Variants in SDK1 observed in about 807,000 individuals in gnomAD.
SDK1 encodes protein sidekick-1.
A neutral mutation model predicts 245.5 loss-of-function variants in SDK1; 157 were observed. The observed-to-expected ratio is 0.64, with a 90% CI of 0.56 to 0.73. SDK1 has a LOEUF of 0.73. SDK1 is among the 30% of genes least tolerant of loss of function. The pLI is 0.00. For missense variants in SDK1, 3,583 were observed against 3,002.3 expected, an observed-to-expected ratio of 1.19 and a Z score of -4.52; for synonymous variants, 1,647 against 1,278.5, an observed-to-expected ratio of 1.29 and a Z score of -6.15.
rs139296990 is a variant in SDK1, at chr7:4,190,855, C to T, written c.5098+12269C>T. ...GGTGCCCCTAGGCAGACACAGCCCC[C>T]GAGGGAGGATGGGCTTGACACCAGC... On this transcript the variant is annotated intron_variant, in intron 35 of 44. Transcript: ENST00000404826. 5.5e-3 allele frequency among the ~76,000 whole-genome samples: 833 copies of T among 152,320 alleles called. 10 individuals carry two copies. The highest frequency in any genetic ancestry group is 0.019 in the African/African-American group (799 of 41,570).
intron 4 of SDK1, among the ~76,000 whole-genome samples, chr7:3,800,671 C>T (rs1187324492): frequency 6.6e-6 from 1 of 152,092 alleles, no homozygotes; most frequent in Non-Finnish European, 1.5e-5. Context: ...CGCTCGGCTG[C>T]CGTCTTTTAT....
intron 17 of SDK1, among the ~76,000 whole-genome samples, chr7:4,020,124 G>A (rs568451597): frequency 5.3e-5 from 8 of 152,006 alleles, no homozygotes; most frequent in Non-Finnish European, 8.8e-5. Flanking sequence ...CGGAGACGCC[G>A]GGCACCACCC....
chr7:4,082,327 G>T (rs1227262821), intron 22 of SDK1, among the ~76,000 whole-genome samples: 1 of 152,034 alleles, frequency 6.6e-6, no homozygotes, highest in Non-Finnish European at 1.5e-5. Flanking sequence ...CTTGAGGTTG[G>T]GAGTTCGAGG....
chr7:4,227,477 C>T, intron 40 of SDK1: 1 of 468,242 alleles, frequency 2.1e-6, no homozygotes, highest in Non-Finnish European at 4.4e-6. Flanking sequence ...TAAGCGCCAC[C>T]AGCTTCAGTA....
chr7:3,564,302 T>C (rs938356605), intron 1 of SDK1, among the ~76,000 whole-genome samples: 47 of 152,132 alleles, frequency 3.1e-4, no homozygotes, highest in African/African-American at 9.4e-4. Flanking sequence ...GATAGACCTC[T>C]GACAGACTCA....
At chr7:4,095,501 A>G (rs1003142979) in intron 22 of SDK1, among the ~76,000 whole-genome samples, 5 of 152,134 alleles carry the variant, frequency 3.3e-5, no homozygotes, top group African/African-American at 4.8e-5. Flanking sequence ...TTCCTTGGCT[A>G]TTGTTTTCAG....
chr7:3,552,808 G>C (rs1006147832), intron 1 of SDK1, among the ~76,000 whole-genome samples: 1 of 152,140 alleles, frequency 6.6e-6, no homozygotes, highest in Non-Finnish European at 1.5e-5. Flanking sequence ...AAATGCTTTT[G>C]CCCAGTCATT....
rs982489698 is a variant in SDK1, at chr7:3,694,697, A to C, written c.713+52592A>C. ...TGATGTTCTGGGGAACATTTGAAAA[A>C]CATCCGTCTCTGGGCCACATCTCGA... is the stretch of plus-strand genomic sequence containing the variant. On this transcript the variant is annotated intron_variant, in intron 4 of 44. Transcript: ENST00000404826. 5.9e-5 allele frequency among the ~76,000 whole-genome samples: 9 copies of C among 152,192 alleles called. No homozygotes were observed. In the South Asian group the frequency reaches 6.2e-4, roughly 11 times the overall value.
At chr7:3,563,338 A>G (rs1305442226) in intron 1 of SDK1, among the ~76,000 whole-genome samples, 1 of 152,210 alleles carries the variant, frequency 6.6e-6, no homozygotes, top group Non-Finnish European at 1.5e-5. Context: ...GATGGGGCGG[A>G]AAAACAAGAT....
At chr7:3,615,827 A>G (rs997363841) in intron 1 of SDK1, among the ~76,000 whole-genome samples, 7 of 143,776 alleles carry the variant, frequency 4.9e-5, no homozygotes, top group African/African-American at 7.4e-5. Flanking sequence ...TTACAGCCAG[A>G]ATGTTCTTTT....
At chr7:4,192,881 A>G (rs1783292182) in intron 35 of SDK1, among the ~76,000 whole-genome samples, 1 of 151,766 alleles carries the variant, frequency 6.6e-6, no homozygotes, top group Non-Finnish European at 1.5e-5. Context: ...CATCATATAT[A>G]GAGGTTTACA....
chr7:3,716,309 T>G (rs1047871049), intron 4 of SDK1, among the ~76,000 whole-genome samples: 9 of 151,954 alleles, frequency 5.9e-5, no homozygotes, highest in Non-Finnish European at 1.3e-4. Flanking sequence ...AGAAGCTGAA[T>G]GAATCACAAT....
intron 1 of SDK1, among the ~76,000 whole-genome samples, chr7:3,565,868 A>G (rs913600509): frequency 3.3e-5 from 5 of 152,240 alleles, no homozygotes; most frequent in African/African-American, 1.2e-4. Flanking sequence ...AATATTTTCC[A>G]TCCACAGTTG....
intron 1 of SDK1, among the ~76,000 whole-genome samples, chr7:3,390,077 G>A (rs1005883396): frequency 6.6e-6 from 1 of 152,180 alleles, no homozygotes. Flanking sequence ...GAATTTGTAA[G>A]TGATGAAGTT....
chr7:3,495,704 A>T (rs185896043), intron 1 of SDK1, among the ~76,000 whole-genome samples: 16 of 152,338 alleles, frequency 1.1e-4, no homozygotes. Context: ...GTCAGTCTTC[A>T]GTGTTAGCTC....
intron 25 of SDK1, among the ~76,000 whole-genome samples, chr7:4,121,625 GA>G (rs1405863567): frequency 1.3e-5 from 2 of 152,158 alleles, no homozygotes; most frequent in African/African-American, 2.4e-5. Context: ...ATCACAGTGT[GA>G]AAATGGACTG....
Position 3,951,823 on chromosome 7 carries a change from C to A in SDK1, c.1053C>A (p.Asn351Lys). The change falls in exon 7 of 45, where the codon AAC (asparagine) becomes AAA (lysine). Residue 351 changes from asparagine (N) to lysine (K), a missense_variant. Asn to Lys is a moderately conservative substitution (Grantham distance 94). Transcript: ENST00000404826. ...TTGGAAGACGCCTCACCATCAGCAA[C>A]CCGACGTCCGCGGACACCGGGCCAT... Reference protein sequence around the residue: ...HSFGRRLTISNPTSADTGPYV... With the variant: ...HSFGRRLTISKPTSADTGPYV... 6.2e-7 allele frequency: 1 copy of A among 1,613,892 alleles called. No individual in the cohort carries two copies. Among genetic ancestry groups the A allele is most frequent in the Non-Finnish European group, 8.5e-7 (1 of 1,180,038 alleles).
At chr7:3,904,799 C>G (rs965108149) in intron 5 of SDK1, among the ~76,000 whole-genome samples, 2 of 152,074 alleles carry the variant, frequency 1.3e-5, no homozygotes, top group African/African-American at 4.8e-5. Context: ...CGAGACCATC[C>G]TGGAGAACAC....
In SDK1 at chr7:4,140,351, C is replaced by A. The variant is rs1779497646; in HGVS notation, c.4229-5371C>A. 2.6e-5 allele frequency among the ~76,000 whole-genome samples: 4 copies of A among 152,156 alleles called. No individual in the cohort carries two copies. The South Asian group carries it at 8.3e-4, about 32-fold the overall frequency. On this transcript the variant is annotated intron_variant, in intron 28 of 44. Transcript: ENST00000404826. ...TTTGGCACTTTCTGGAACAATTCAG[C>A]CTCCCCAGATGGGAGCCCTCACATG...
Sources: allele counts gnomAD v4.1 joint callset (sites outside exome capture counted in the v4.1 genomes callset), GRCh38; gene constraint gnomAD v4.1.1; transcripts MANE v1.5; gene names NCBI Gene and HGNC (gene_info 2026-07-23, HGNC 2026-07-21).